The following CAMK1D variants were observed in gnomAD, a reference collection of about 807,000 sequenced individuals.
The protein encoded by CAMK1D is calcium/calmodulin dependent protein kinase ID.
CAMK1D carries 9 observed loss-of-function variants against 47.7 expected under a neutral mutation model. The observed-to-expected ratio is 0.19, with a 90% CI of 0.11 to 0.33. CAMK1D has a LOEUF of 0.33. CAMK1D is among the 10% of genes least tolerant of loss of function. The pLI is 1.00. For missense variants in CAMK1D, 291 were observed against 488.7 expected (o/e 0.60, Z 3.81); for synonymous variants, 184 against 184.9 (o/e 0.99, Z 0.04).
intron 1 of CAMK1D, among the ~76,000 whole-genome samples, chr10:12,407,399 A>T (rs955522589): frequency 6.6e-6 from 1 of 152,180 alleles, no homozygotes; most frequent in Non-Finnish European, 1.5e-5. Flanking sequence ...CCCTACCTCA[A>T]GCTAGAAGTT....
At chr10:12,815,786 G>T (rs1588961317) in intron 7 of CAMK1D, among the ~76,000 whole-genome samples, 3 of 152,366 alleles carry the variant, frequency 2.0e-5, no homozygotes, top group South Asian at 4.1e-4. Context: ...CACACATGGT[G>T]CTTTCTGGGG....
chr10:12,498,962 A>G (rs901120217), intron 1 of CAMK1D, among the ~76,000 whole-genome samples: 1 of 152,170 alleles, frequency 6.6e-6, no homozygotes, highest in Non-Finnish European at 1.5e-5. Flanking sequence ...CATTTACACA[A>G]TAGAATTTAG....
At chr10:12,675,117 T>G (rs1444314529) in intron 3 of CAMK1D, among the ~76,000 whole-genome samples, 2 of 151,644 alleles carry the variant, frequency 1.3e-5, no homozygotes, top group Middle Eastern at 3.2e-3. Flanking sequence ...TTTACAAGTG[T>G]AACAACTTAG....
intron 1 of CAMK1D, among the ~76,000 whole-genome samples, chr10:12,514,886 T>C (rs916211586): frequency 6.6e-6 from 1 of 152,266 alleles, no homozygotes; most frequent in South Asian, 2.1e-4. Context: ...AGTCTCACTC[T>C]GTCGCCCAGG....
chr10:12,554,022 AC>A (rs1214125400), intron 2 of CAMK1D, among the ~76,000 whole-genome samples: 1 of 151,794 alleles, frequency 6.6e-6, no homozygotes, highest in Admixed American at 6.6e-5. Flanking sequence ...CGTGGAGTTC[AC>A]TGTTTCAGTG....
chr10:12,656,435 T>C (rs1043269094), intron 2 of CAMK1D, among the ~76,000 whole-genome samples: 1 of 152,054 alleles, frequency 6.6e-6, no homozygotes, highest in African/African-American at 2.4e-5. Context: ...GAGGTTGCAG[T>C]GAACCGAAAC....
At chr10:12,798,384 A>G (rs1407176465) in intron 6 of CAMK1D, among the ~76,000 whole-genome samples, 6 of 152,226 alleles carry the variant, frequency 3.9e-5, no homozygotes, top group Admixed American at 3.9e-4. Flanking sequence ...CCTAGGAGGC[A>G]CTTACTGTCT....
At position 12,532,283 on chromosome 10, in the gene CAMK1D, C is replaced by A. The variant is rs1022648462; in HGVS notation, c.93-20942C>A. Among the ~76,000 whole-genome samples the A allele has an allele frequency of 1.5e-4, 22 of 144,270 alleles. 1 individual carries two copies. The highest frequency in any genetic ancestry group is 6.9e-4 in the Admixed American group (10 of 14,490). The allele number at this position is 144,270 out of a possible 152,430, so 94.6% of individuals were successfully genotyped here. ...AGAGTCCTGTTTATCTTTTTATTTT[C>A]TTTTTTTTTTTTTTGAGACGGAGTC... On this transcript the variant is annotated intron_variant, in intron 1 of 10. Coordinates refer to ENST00000619168, the MANE Select transcript of CAMK1D (RefSeq NM_153498.4).
At chr10:12,356,591 G>T (rs1343968072) in intron 1 of CAMK1D, among the ~76,000 whole-genome samples, 1 of 152,036 alleles carries the variant, frequency 6.6e-6, no homozygotes, top group Non-Finnish European at 1.5e-5. Context: ...GTGTGGTGCT[G>T]TGCACCTGTA....
intron 3 of CAMK1D, among the ~76,000 whole-genome samples, chr10:12,691,402 TAAATATATATATATATATA>T (rs1309636840): frequency 0.01 from 76 of 7,256 alleles, 2 homozygotes; most frequent in African/African-American, 9.5e-3. Context: ...TATATATATA[TAAATATATATATATATATA>T]TTTTTTTTTT....
chr10:12,799,605 T>C (rs1287380318), intron 6 of CAMK1D, among the ~76,000 whole-genome samples: 1 of 152,186 alleles, frequency 6.6e-6, no homozygotes, highest in African/African-American at 2.4e-5. Context: ...CCCTCATGCT[T>C]TGGTGTAAAA....
At chr10:12,527,045 C>G (rs1276044200) in intron 1 of CAMK1D, among the ~76,000 whole-genome samples, 3 of 152,042 alleles carry the variant, frequency 2.0e-5, no homozygotes, top group Non-Finnish European at 4.4e-5. Context: ...TAAATCAAAT[C>G]TCCCTTACAC....
At chr10:12,704,835 A>G (rs1421450832) in intron 3 of CAMK1D, among the ~76,000 whole-genome samples, 2 of 152,260 alleles carry the variant, frequency 1.3e-5, no homozygotes, top group Admixed American at 6.5e-5. Flanking sequence ...TGCAAGTTAA[A>G]GATCACTTAT....
chr10:12,792,561 C>T (rs1044100615), intron 6 of CAMK1D, among the ~76,000 whole-genome samples: 1 of 152,216 alleles, frequency 6.6e-6, no homozygotes, highest in African/African-American at 2.4e-5. Context: ...TCCTCTTCTC[C>T]TCCAGGAATG....
At chr10:12,740,002 A>G (rs993594993) in intron 3 of CAMK1D, among the ~76,000 whole-genome samples, 2 of 152,210 alleles carry the variant, frequency 1.3e-5, no homozygotes, top group Non-Finnish European at 2.9e-5. Context: ...TGCCAAATAT[A>G]TTTCCTACCT....
intron 4 of CAMK1D, among the ~76,000 whole-genome samples, chr10:12,762,739 A>G (rs986099656): frequency 1.3e-5 from 2 of 152,178 alleles, no homozygotes; most frequent in African/African-American, 4.8e-5. Context: ...GACATCTGAA[A>G]TGGCTGTGGG....
At chr10:12,735,417 G>A (rs1486095214) in intron 3 of CAMK1D, among the ~76,000 whole-genome samples, 1 of 152,238 alleles carries the variant, frequency 6.6e-6, no homozygotes, top group East Asian at 1.9e-4. Context: ...GGCGGAGCCT[G>A]CAGTGAGCCG....
chr10:12,498,642 G>A (rs976089552), intron 1 of CAMK1D, among the ~76,000 whole-genome samples: 5 of 152,242 alleles, frequency 3.3e-5, no homozygotes, highest in African/African-American at 1.2e-4. Context: ...GCTGCTTGAA[G>A]AGTGGAGATG....
At chr10:12,576,674 C>T (rs1837497868) in intron 2 of CAMK1D, among the ~76,000 whole-genome samples, 1 of 152,136 alleles carries the variant, frequency 6.6e-6, no homozygotes, top group East Asian at 1.9e-4. Flanking sequence ...GTTCATGCTC[C>T]TATGAGAATC....
Sources: gnomAD v4.1 joint callset for allele counts (sites outside exome capture counted in the v4.1 genomes callset) on GRCh38, gnomAD v4.1.1 for gene constraint, MANE v1.5 for transcripts, NCBI Gene and HGNC (gene_info 2026-07-23, HGNC 2026-07-21) for gene names.